Variants in AKAP6 observed in about 807,000 individuals in gnomAD.
The protein encoded by AKAP6 is A-kinase anchoring protein 6.
Under a neutral mutation model 188.5 loss-of-function variants are expected in AKAP6, and 58 were observed. The ratio of observed to expected loss-of-function variants is 0.31; its 90% CI spans 0.25 to 0.38. The LOEUF is 0.38. Among genes scored for constraint, AKAP6 ranks in the 10% least tolerant of loss-of-function variants. The pLI, the probability that AKAP6 is intolerant of heterozygous loss-of-function variation, is 1.00. For missense variants in AKAP6, 2,710 were observed against 2,740.0 expected, an observed-to-expected ratio of 0.99 and a Z score of 0.24; for synonymous variants, 989 against 998.6, an observed-to-expected ratio of 0.99 and a Z score of 0.18.
At chr14:32,725,315 A>C (rs1446254421) in intron 9 of AKAP6, among the ~76,000 whole-genome samples, 1 of 152,212 alleles carries the variant, frequency 6.6e-6, no homozygotes, top group Non-Finnish European at 1.5e-5. Context: ...TCCATCCTAC[A>C]TTAAGACTTC....
At chr14:32,504,376 G>C (rs2138994840) in intron 2 of AKAP6, among the ~76,000 whole-genome samples, 1 of 152,214 alleles carries the variant, frequency 6.6e-6, no homozygotes, top group South Asian at 2.1e-4. Flanking sequence ...TGCCTCCCAG[G>C]CTCAAGCAAT....
At chr14:32,678,822 A>C (rs1889550906) in intron 8 of AKAP6, among the ~76,000 whole-genome samples, 1 of 152,174 alleles carries the variant, frequency 6.6e-6, no homozygotes, top group Non-Finnish European at 1.5e-5. Flanking sequence ...CTATTTAAGG[A>C]CTTTTAAACA....
chr14:32,555,195 C>A (rs1476079012), intron 4 of AKAP6, among the ~76,000 whole-genome samples: 1 of 152,158 alleles, frequency 6.6e-6, no homozygotes, highest in Non-Finnish European at 1.5e-5. Context: ...AAATTGCAAT[C>A]AAGTATGCTC....
intron 11 of AKAP6, among the ~76,000 whole-genome samples, chr14:32,747,146 A>G (rs2031944130): frequency 6.6e-6 from 1 of 152,230 alleles, no homozygotes; most frequent in African/African-American, 2.4e-5. Flanking sequence ...GGAATTTCTC[A>G]TGTCCACTAT....
At chr14:32,645,630 C>A (rs1887956617) in intron 7 of AKAP6, among the ~76,000 whole-genome samples, 1 of 152,082 alleles carries the variant, frequency 6.6e-6, no homozygotes, top group African/African-American at 2.4e-5. Context: ...GACAGGGGAA[C>A]TTACTCCTGT....
intron 2 of AKAP6, among the ~76,000 whole-genome samples, chr14:32,485,500 C>T (rs915448043): frequency 3.9e-5 from 6 of 152,128 alleles, no homozygotes; most frequent in Non-Finnish European, 8.8e-5. Flanking sequence ...TTAATGATTG[C>T]CATTCTAACT....
intron 4 of AKAP6, among the ~76,000 whole-genome samples, chr14:32,559,457 A>G (rs1883834411): frequency 1.3e-5 from 2 of 152,268 alleles, no homozygotes; most frequent in Non-Finnish European, 2.9e-5. Context: ...AAATAGGTCA[A>G]ATAAAAACAC....
chr14:32,613,267 G>A (rs926615098), intron 7 of AKAP6, among the ~76,000 whole-genome samples: 1 of 152,182 alleles, frequency 6.6e-6, no homozygotes, highest in Non-Finnish European at 1.5e-5. Context: ...TCATTAGATA[G>A]ATGACGAGCA....
At chr14:32,534,009 G>C (rs1882554248) in intron 2 of AKAP6, among the ~76,000 whole-genome samples, 1 of 151,864 alleles carries the variant, frequency 6.6e-6, no homozygotes, top group Admixed American at 6.6e-5. Context: ...TTAGTTCTTG[G>C]GTTTCAAGAA....
chr14:32,557,059 T>C (rs888782630), intron 4 of AKAP6, among the ~76,000 whole-genome samples: 5 of 152,142 alleles, frequency 3.3e-5, no homozygotes, highest in Non-Finnish European at 4.4e-5. Flanking sequence ...AAAAATACTT[T>C]TGAGAGCCCT....
At chr14:32,543,282 T>C (rs750027191) in intron 3 of AKAP6, among the ~76,000 whole-genome samples, 2 of 152,214 alleles carry the variant, frequency 1.3e-5, no homozygotes, top group Non-Finnish European at 2.9e-5. Flanking sequence ...CACATATGAG[T>C]GAGAACATGT....
intron 2 of AKAP6, among the ~76,000 whole-genome samples, chr14:32,458,128 G>T (rs945765081): frequency 1.6e-4 from 24 of 152,236 alleles, no homozygotes; most frequent in African/African-American, 5.3e-4. Context: ...AACTGCATTA[G>T]CATCATAATT....
At chr14:32,827,575 A>G (rs376140783) in intron 13 of AKAP6, among the ~76,000 whole-genome samples, 1 of 152,218 alleles carries the variant, frequency 6.6e-6, no homozygotes, top group African/African-American at 2.4e-5. Flanking sequence ...ATTTCCAGGC[A>G]TACTGCTGTG....
At chr14:32,587,540 TA>T (rs969105430) in intron 5 of AKAP6, among the ~76,000 whole-genome samples, 1 of 152,192 alleles carries the variant, frequency 6.6e-6, no homozygotes, top group African/African-American at 2.4e-5. Flanking sequence ...ATGAGTGGGT[TA>T]AAGAATGTTG....
intron 2 of AKAP6, among the ~76,000 whole-genome samples, chr14:32,480,899 A>T (rs567639164): frequency 1.7e-4 from 26 of 152,306 alleles, no homozygotes; most frequent in African/African-American, 5.8e-4. Context: ...TGGTAAAGAC[A>T]CTTTAAAAAT....
intron 7 of AKAP6, among the ~76,000 whole-genome samples, chr14:32,609,382 T>A (rs1227819265): frequency 6.6e-6 from 1 of 152,188 alleles, no homozygotes; most frequent in African/African-American, 2.4e-5. Flanking sequence ...TGCTCTGTAC[T>A]CAGAGAACAT....
chr14:32,620,458 G>C (rs1042620741), intron 7 of AKAP6, among the ~76,000 whole-genome samples: 1 of 151,970 alleles, frequency 6.6e-6, no homozygotes, highest in African/African-American at 2.4e-5. Flanking sequence ...TTTATATGAT[G>C]AATCACATTT....
intron 2 of AKAP6, among the ~76,000 whole-genome samples, chr14:32,507,484 A>T (rs1265007891): frequency 6.6e-6 from 1 of 152,154 alleles, no homozygotes; most frequent in Non-Finnish European, 1.5e-5. Context: ...AGTTGTGCTT[A>T]TTAAGTGGTG....
At chr14:32,478,971 G>C (rs7149658) in intron 2 of AKAP6, among the ~76,000 whole-genome samples, 1 of 151,878 alleles carries the variant, frequency 6.6e-6, no homozygotes, top group Non-Finnish European at 1.5e-5. Context: ...ATATTTTGGG[G>C]GGAGAGGAGA....
Sources: gnomAD v4.1 joint callset for allele counts (sites outside exome capture counted in the v4.1 genomes callset) on GRCh38, gnomAD v4.1.1 for gene constraint, MANE v1.5 for transcripts, NCBI Gene and HGNC (gene_info 2026-07-23, HGNC 2026-07-21) for gene names.